Variants in HPSE2 observed in about 807,000 individuals in gnomAD.
HPSE2 encodes heparanase 2 (inactive), also known as inactive heparanase-2.
HPSE2 carries 38 observed loss-of-function variants against 60.5 expected under a neutral mutation model. The ratio of observed to expected loss-of-function variants is 0.63; its 90% confidence interval spans 0.48 to 0.82. HPSE2 has a LOEUF of 0.82. Ranked by LOEUF, HPSE2 falls within the 40% of genes least tolerant of loss-of-function variation. The pLI, the probability that HPSE2 is intolerant of heterozygous loss-of-function variation, is 0.00. For synonymous variants in HPSE2, 295 were observed against 293.2 expected (o/e 1.01, Z -0.06); for missense variants, 713 against 740.4 (o/e 0.96, Z 0.43).
intron 9 of HPSE2, among the ~76,000 whole-genome samples, chr10:98,550,617 G>A (rs944886015): frequency 1.3e-4 from 20 of 151,952 alleles, no homozygotes; most frequent in Non-Finnish European, 2.2e-4. Context: ...ACAGGCGCCC[G>A]CCACCACGCC....
intron 5 of HPSE2, among the ~76,000 whole-genome samples, chr10:98,697,706 T>C (rs1319849241): frequency 6.6e-6 from 1 of 151,930 alleles, no homozygotes; most frequent in Non-Finnish European, 1.5e-5. Flanking sequence ...CACGTAATGA[T>C]CAGATTCCTC....
intron 9 of HPSE2, among the ~76,000 whole-genome samples, chr10:98,600,040 T>C (rs1169087262): frequency 6.6e-6 from 1 of 152,208 alleles, no homozygotes; most frequent in Admixed American, 6.5e-5. Context: ...CAGCTGTGGG[T>C]AATTAGCACA....
chr10:98,521,167 G>T (rs1942778725), intron 9 of HPSE2, among the ~76,000 whole-genome samples: 1 of 152,190 alleles, frequency 6.6e-6, no homozygotes, highest in South Asian at 2.1e-4. Flanking sequence ...AAGAGCTTCT[G>T]CACGGCAAAA....
At chr10:98,832,757 G>A (rs1951711641) in intron 3 of HPSE2, among the ~76,000 whole-genome samples, 1 of 152,170 alleles carries the variant, frequency 6.6e-6, no homozygotes, top group African/African-American at 2.4e-5. Flanking sequence ...CCAGCCATGG[G>A]GGTAAGAAAT....
At chr10:98,886,852 T>C (rs1307049477) in intron 3 of HPSE2, among the ~76,000 whole-genome samples, 1 of 152,098 alleles carries the variant, frequency 6.6e-6, no homozygotes, top group Non-Finnish European at 1.5e-5. Flanking sequence ...AGAATATTTA[T>C]TAAACAGGAA....
At chr10:99,305,975 G>GCACACACACACACACACACACA in the HPSE2 span, among the ~76,000 whole-genome samples, 75 of 48,106 alleles carry the variant, frequency 1.6e-3, no homozygotes, top group African/African-American at 4.0e-3. Context: ...GCGCGCGCGC[G>GCACACACACACACACACACACA]CGCGCACACA....
At chr10:98,571,091 C>T (rs1944480940) in intron 9 of HPSE2, among the ~76,000 whole-genome samples, 2 of 152,114 alleles carry the variant, frequency 1.3e-5, no homozygotes, top group Admixed American at 1.3e-4. Context: ...AAACTTTGAA[C>T]AGTCAGGAAA....
chr10:99,097,998 C>T (rs986580907), intron 3 of HPSE2, among the ~76,000 whole-genome samples: 12 of 152,164 alleles, frequency 7.9e-5, no homozygotes, highest in African/African-American at 2.7e-4. Context: ...TTCTATACTT[C>T]CCGCTGAGGG....
the HPSE2 span, among the ~76,000 whole-genome samples, chr10:99,260,789 T>A: frequency 6.6e-6 from 1 of 152,164 alleles, no homozygotes; most frequent in Non-Finnish European, 1.5e-5. Flanking sequence ...CACCATCCCC[T>A]TCTCCGTGTC....
At chr10:99,285,431 A>AT in the HPSE2 span, among the ~76,000 whole-genome samples, 2 of 147,880 alleles carry the variant, frequency 1.4e-5, no homozygotes, top group African/African-American at 5.0e-5. Context: ...TGCTATCTCA[A>AT]TAAAAAAAAA....
chr10:98,575,670 T>C (rs1049089732), intron 9 of HPSE2, among the ~76,000 whole-genome samples: 1 of 152,252 alleles, frequency 6.6e-6, no homozygotes, highest in East Asian at 1.9e-4. Context: ...GGTAATTTGC[T>C]TGTGGTCACA....
intron 3 of HPSE2, among the ~76,000 whole-genome samples, chr10:98,829,255 C>T (rs955184879): frequency 3.3e-5 from 5 of 152,074 alleles, no homozygotes; most frequent in African/African-American, 4.8e-5. Flanking sequence ...TTGGGCTGGG[C>T]GCAGTGGCTC....
chr10:99,118,416 A>G (rs1268662045), intron 3 of HPSE2, among the ~76,000 whole-genome samples: 1 of 149,924 alleles, frequency 6.7e-6, no homozygotes, highest in Non-Finnish European at 1.5e-5. Context: ...CCAGCTACTC[A>G]GGAGGCTGAG....
chr10:99,161,197 G>A (rs1222341310), intron 2 of HPSE2, among the ~76,000 whole-genome samples: 8 of 150,782 alleles, frequency 5.3e-5, no homozygotes, highest in South Asian at 2.1e-4. Context: ...CTCCCGCCTC[G>A]GTAACAGAGT....
chr10:99,164,238 T>C (rs1346783153), intron 2 of HPSE2, among the ~76,000 whole-genome samples: 1 of 15,962 alleles, frequency 6.3e-5, no homozygotes, highest in East Asian at 2.7e-3. Context: ...TATATATATA[T>C]ATATATATAT....
At chr10:98,818,670 C>T (rs1018619214) in intron 3 of HPSE2, among the ~76,000 whole-genome samples, 1 of 152,118 alleles carries the variant, frequency 6.6e-6, no homozygotes, top group African/African-American at 2.4e-5. Context: ...ATTCCCTAAA[C>T]CAGTAGATTA....
intron 5 of HPSE2, among the ~76,000 whole-genome samples, chr10:98,716,442 A>AAAATTAAAT (rs1554974935): frequency 1.4e-5 from 2 of 148,006 alleles, no homozygotes; most frequent in Non-Finnish European, 3.0e-5. Context: ...ATAATAATAA[A>AAAATTAAAT]AAATAAATAA....
At chr10:98,914,873 T>C (rs951234324) in intron 3 of HPSE2, among the ~76,000 whole-genome samples, 1 of 151,572 alleles carries the variant, frequency 6.6e-6, no homozygotes, top group Admixed American at 6.6e-5. Flanking sequence ...TTTGGTGAGC[T>C]TCACCCCAAC....
At chr10:98,605,215 A>G (rs555395519) in intron 9 of HPSE2, among the ~76,000 whole-genome samples, 23 of 152,328 alleles carry the variant, frequency 1.5e-4, no homozygotes, top group African/African-American at 4.8e-4. Context: ...ACAAATATTT[A>G]TCAAGTACTT....
Sources: gnomAD v4.1 joint callset for allele counts (sites outside exome capture counted in the v4.1 genomes callset) on GRCh38, gnomAD v4.1.1 for gene constraint, MANE v1.5 for transcripts, NCBI Gene and HGNC (gene_info 2026-07-23, HGNC 2026-07-21) for gene names.